The following FHIT variants were observed in gnomAD, a reference collection of about 807,000 sequenced individuals.
FHIT encodes fragile histidine triad diadenosine triphosphatase, also known as bis(5'-adenosyl)-triphosphatase.
A neutral mutation model predicts 17.9 loss-of-function variants in FHIT; 19 were observed. That is an observed-to-expected ratio of 1.06 (90% CI 0.74 to 1.56). The LOEUF (loss-of-function observed/expected upper bound fraction) is 1.56. Ranked by LOEUF, FHIT falls within the 40% of genes most tolerant of loss-of-function variation. The pLI is 0.00. For missense variants in FHIT, 248 were observed against 189.2 expected (o/e 1.31, Z -1.82); for synonymous variants, 81 against 69.7 (o/e 1.16, Z -0.81).
chr3:60,926,912 G>A (rs1003858827), intron 3 of FHIT, among the ~76,000 whole-genome samples: 16 of 152,102 alleles, frequency 1.1e-4, no homozygotes, highest in Admixed American at 2.0e-4. Flanking sequence ...TACCATCACA[G>A]AATACTAAAA....
At chr3:60,347,164 C>G (rs1391530980) in intron 5 of FHIT, among the ~76,000 whole-genome samples, 1 of 151,840 alleles carries the variant, frequency 6.6e-6, no homozygotes, top group African/African-American at 2.4e-5. Context: ...GTATGCCTAT[C>G]AGCAGAAAAG....
At chr3:60,182,738 G>C (rs1701991871) in intron 5 of FHIT, among the ~76,000 whole-genome samples, 1 of 151,930 alleles carries the variant, frequency 6.6e-6, no homozygotes, top group Non-Finnish European at 1.5e-5. Flanking sequence ...AGCTATGATG[G>C]CACCACTGCA....
chr3:60,067,414 A>G (rs1702565213), intron 5 of FHIT, among the ~76,000 whole-genome samples: 1 of 152,214 alleles, frequency 6.6e-6, no homozygotes, highest in East Asian at 1.9e-4. Flanking sequence ...TTTCCCCTAA[A>G]GAAAGATACT....
At chr3:60,931,776 T>G (rs1707968992) in intron 3 of FHIT, among the ~76,000 whole-genome samples, 1 of 152,242 alleles carries the variant, frequency 6.6e-6, no homozygotes, top group Admixed American at 6.5e-5. Flanking sequence ...AATTTCAGCA[T>G]TTTTTAAAGA....
intron 4 of FHIT, among the ~76,000 whole-genome samples, chr3:60,605,018 C>A (rs557836981): frequency 9.2e-5 from 14 of 152,174 alleles, no homozygotes; most frequent in South Asian, 2.1e-4. Flanking sequence ...CATGTCTAAA[C>A]CATTCACATT....
intron 3 of FHIT, among the ~76,000 whole-genome samples, chr3:60,908,410 T>C (rs1553765054): frequency 6.6e-6 from 1 of 152,162 alleles, no homozygotes; most frequent in Non-Finnish European, 1.5e-5. Context: ...CCTCAGTAGG[T>C]AGCCCCAAAA....
chr3:60,781,921 T>C (rs1433977652), intron 4 of FHIT, among the ~76,000 whole-genome samples: 1 of 152,158 alleles, frequency 6.6e-6, no homozygotes, highest in Non-Finnish European at 1.5e-5. Flanking sequence ...TCTGGAATGA[T>C]TAAATCAAGC....
At chr3:60,803,762 C>T (rs1452785040) in intron 4 of FHIT, among the ~76,000 whole-genome samples, 11 of 152,158 alleles carry the variant, frequency 7.2e-5, no homozygotes. Flanking sequence ...GCCATTTTCC[C>T]CTCAAAGAGG....
intron 1 of FHIT, among the ~76,000 whole-genome samples, chr3:61,242,292 A>G (rs1315749939): frequency 6.7e-6 from 1 of 148,412 alleles, no homozygotes; most frequent in East Asian, 1.9e-4. Context: ...AAACAACAAC[A>G]AAAAAAAAAA....
chr3:60,621,297 C>T (rs2039121545), intron 4 of FHIT, among the ~76,000 whole-genome samples: 1 of 151,664 alleles, frequency 6.6e-6, no homozygotes, highest in Admixed American at 6.6e-5. Context: ...TACAGGTGCC[C>T]ACGACTACGC....
At chr3:60,858,889 T>C (rs1358379991) in intron 3 of FHIT, among the ~76,000 whole-genome samples, 1 of 152,130 alleles carries the variant, frequency 6.6e-6, no homozygotes, top group Non-Finnish European at 1.5e-5. Context: ...CAGGCTGCAA[T>C]GCCTAAGTGC....
intron 7 of FHIT, among the ~76,000 whole-genome samples, chr3:59,991,259 A>T (rs1385107601): frequency 6.6e-6 from 1 of 152,080 alleles, no homozygotes; most frequent in African/African-American, 2.4e-5. Context: ...GTGAATGTAA[A>T]TTTACACAGT....
At chr3:60,528,608 C>T (rs2035660289) in intron 5 of FHIT, among the ~76,000 whole-genome samples, 1 of 152,168 alleles carries the variant, frequency 6.6e-6, no homozygotes, top group South Asian at 2.1e-4. Flanking sequence ...CTATGCTTGA[C>T]TTAATTGGTC....
intron 4 of FHIT, among the ~76,000 whole-genome samples, chr3:60,546,852 C>A (rs1268221791): frequency 1.3e-5 from 2 of 151,968 alleles, no homozygotes; most frequent in Admixed American, 6.6e-5. Flanking sequence ...GATGTAGGTA[C>A]CCTTAAATAC....
At chr3:60,910,083 C>A (rs782010516) in intron 3 of FHIT, among the ~76,000 whole-genome samples, 7 of 152,180 alleles carry the variant, frequency 4.6e-5, no homozygotes, top group Non-Finnish European at 8.8e-5. Context: ...CCTTTACCCT[C>A]TCCCCAAATC....
At chr3:60,344,607 A>C (rs538568124) in intron 5 of FHIT, among the ~76,000 whole-genome samples, 39 of 152,296 alleles carry the variant, frequency 2.6e-4, no homozygotes, top group Non-Finnish European at 4.6e-4. Context: ...CAGTGAGGAG[A>C]AACTACATAA....
intron 2 of FHIT, among the ~76,000 whole-genome samples, chr3:61,136,826 C>T (rs2036929061): frequency 6.6e-6 from 1 of 152,056 alleles, no homozygotes; most frequent in East Asian, 1.9e-4. Flanking sequence ...TAGGAGAGGA[C>T]AACATAGAAA....
At chr3:60,071,890 C>T (rs1159092615) in intron 5 of FHIT, among the ~76,000 whole-genome samples, 2 of 152,144 alleles carry the variant, frequency 1.3e-5, no homozygotes. Flanking sequence ...AAGCGGAGTT[C>T]CCCTCTACAC....
At chr3:60,924,043 G>C (rs569397955) in intron 3 of FHIT, among the ~76,000 whole-genome samples, 1 of 152,284 alleles carries the variant, frequency 6.6e-6, no homozygotes, top group African/African-American at 2.4e-5. Context: ...GCTTGAGTAG[G>C]TAAACAAAGC....
Sources: allele counts gnomAD v4.1 joint callset (sites outside exome capture counted in the v4.1 genomes callset), GRCh38; gene constraint gnomAD v4.1.1; transcripts MANE v1.5; gene names NCBI Gene and HGNC (gene_info 2026-07-23, HGNC 2026-07-21).